Variants in ZNF91 observed in about 807,000 individuals in gnomAD.
The protein encoded by ZNF91 is zinc finger protein 91.
ZNF91 carries 7 observed loss-of-function variants against 12.6 expected under a neutral mutation model. The observed-to-expected ratio is 0.55, with a 90% confidence interval of 0.31 to 1.04. The LOEUF is 1.04. ZNF91 is among the 50% of genes least tolerant of loss of function. The pLI, the probability that ZNF91 is intolerant of heterozygous loss-of-function variation, is 0.05. For synonymous variants in ZNF91, 453 were observed against 462.6 expected, an observed-to-expected ratio of 0.98 and a Z score of 0.27; for missense variants, 1,217 against 1,385.4, an observed-to-expected ratio of 0.88 and a Z score of 1.93.
At chr19:23,388,331 A>G (rs1217359195) in intron 1 of ZNF91, among the ~76,000 whole-genome samples, 1 of 152,198 alleles carries the variant, frequency 6.6e-6, no homozygotes, top group Non-Finnish European at 1.5e-5. Context: ...AACAGAAAAC[A>G]ATAACCAAAA....
chr19:23,341,528 TATA>T (rs376510228), intron 3 of ZNF91, among the ~76,000 whole-genome samples: 21 of 152,192 alleles, frequency 1.4e-4, no homozygotes, highest in East Asian at 1.9e-4. Context: ...CAAAAGCAAG[TATA>T]ATAATAACAA....
At chr19:23,343,459 G>T (rs1294870945) in intron 3 of ZNF91, among the ~76,000 whole-genome samples, 1 of 152,178 alleles carries the variant, frequency 6.6e-6, no homozygotes, top group Admixed American at 6.5e-5. Context: ...ATTTTCCAAA[G>T]CAAGATATAA....
At chr19:23,384,740 A>T (rs77338463) in intron 1 of ZNF91, 43,861 of 619,040 alleles carry the variant, frequency 0.071, 2,070 homozygotes, top group African/African-American at 0.15. Context: ...GGAAACTAGG[A>T]GAAAGCACAC....
At chr19:23,354,352 T>C (rs1158039854), downstream of ZNF91, among the ~76,000 whole-genome samples, 1 of 151,974 alleles carries the variant, frequency 6.6e-6, no homozygotes, top group African/African-American at 2.4e-5. Flanking sequence ...ATAAATAGAA[T>C]TGAAAACAAA....
chr19:23,359,619 A>T lies in ZNF91; in HGVS notation c.3360T>A (p.Ala1120=). The change falls in exon 4 of 4, where the codon GCT becomes GCA. Residue 1120 remains alanine, a synonymous_variant. Coordinates refer to ENST00000300619, the MANE Select transcript of ZNF91 (RefSeq NM_003430.4). ...ECGKAFKESS[A]LTKHKIIHTG... is the part of the protein sequence containing the mutation. ...TGTGAATTATCTTATGTTTAGTAAG[A>T]GCTGAGGACTCTTTAAAGGCTTTGC... 4 of 1,609,194 alleles carry T rather than the reference A, an allele frequency of 2.5e-6. No individual in the cohort carries two copies. Among genetic ancestry groups the T allele is most frequent in the Non-Finnish European group, 3.4e-6 (4 of 1,178,350 alleles).
intron 1 of ZNF91, among the ~76,000 whole-genome samples, chr19:23,317,922 A>G (rs1418854107): frequency 4.6e-5 from 7 of 152,150 alleles, no homozygotes; most frequent in Non-Finnish European, 8.8e-5. Context: ...TTTTATCCCT[A>G]TATCTTTCTG....
At chr19:23,319,660 C>T (rs938382369) in intron 1 of ZNF91, among the ~76,000 whole-genome samples, 6 of 152,174 alleles carry the variant, frequency 3.9e-5, no homozygotes, top group African/African-American at 7.2e-5. Context: ...CACTGGACCC[C>T]GCGACAAGGT....
chr19:23,332,680 G>A (rs1362361298), intron 1 of ZNF91, among the ~76,000 whole-genome samples: 1 of 152,148 alleles, frequency 6.6e-6, no homozygotes, highest in African/African-American at 2.4e-5. Context: ...ATAAATCACA[G>A]CTTACCTAGT....
chr19:23,312,750 C>A (rs1216380850), upstream of ZNF91, among the ~76,000 whole-genome samples: 1 of 152,170 alleles, frequency 6.6e-6, no homozygotes, highest in Non-Finnish European at 1.5e-5. Flanking sequence ...ATGATTCATA[C>A]CAGCACAAAT....
intron 1 of ZNF91, among the ~76,000 whole-genome samples, chr19:23,394,062 T>A (rs1357388638): frequency 6.6e-6 from 1 of 152,114 alleles, no homozygotes; most frequent in African/African-American, 2.4e-5. Context: ...AAATAGTTGA[T>A]AAAGTGAATT....
intron 1 of ZNF91, among the ~76,000 whole-genome samples, chr19:23,376,019 G>A (rs1969493122): frequency 1.3e-5 from 2 of 152,130 alleles, no homozygotes; most frequent in South Asian, 2.1e-4. Flanking sequence ...GTGATTTTAA[G>A]TACTTTCTTT....
chr19:23,318,804 G>C (rs1317515854), intron 1 of ZNF91, among the ~76,000 whole-genome samples: 1 of 152,118 alleles, frequency 6.6e-6, no homozygotes, highest in Non-Finnish European at 1.5e-5. Flanking sequence ...GCCCACAGGG[G>C]TCACTGCAAT....
At chr19:23,382,896 A>C (rs1318049969) in intron 1 of ZNF91, among the ~76,000 whole-genome samples, 1 of 152,240 alleles carries the variant, frequency 6.6e-6, no homozygotes. Flanking sequence ...CAAGGACCAG[A>C]CATTCACAGG....
chr19:23,339,839 G>A (rs1001141522), intron 3 of ZNF91: 1 of 151,460 alleles, frequency 6.6e-6, no homozygotes, highest in African/African-American at 2.4e-5. Flanking sequence ...AGCTACTCGG[G>A]AGGCTAATAT....
intron 1 of ZNF91, chr19:23,327,934 G>A (rs111381013): frequency 8.5e-4 from 129 of 152,220 alleles, no homozygotes; most frequent in African/African-American, 2.7e-3. Flanking sequence ...TTCAAAGAAC[G>A]ATTTTTGTGT....
intron 1 of ZNF91, among the ~76,000 whole-genome samples, chr19:23,319,400 GGCTCTGCTAAA>G (rs1393872235): frequency 1.3e-5 from 2 of 152,078 alleles, no homozygotes; most frequent in Non-Finnish European, 2.9e-5. Context: ...TTTCTGCCTG[GGCTCTGCTAAA>G]GAGGGTTATT....
rs143954073 is a variant in ZNF91, at chr19:23,394,801, C to A, written c.30+524G>T. On this transcript the variant is annotated intron_variant, in intron 1 of 3. Coordinates refer to ENST00000300619, the MANE Select transcript of ZNF91 (RefSeq NM_003430.4). ...TGAATTTGGTTTTCTTTACCATGAA[C>A]CTTATAAAAATATCTCCTTCAAGGC... 3.8e-3 allele frequency among the ~76,000 whole-genome samples: 573 copies of A among 152,310 alleles called. 9 individuals carry two copies. Among genetic ancestry groups the A allele is most frequent in the African/African-American group, 0.013 (550 of 41,580 alleles).
At chr19:23,381,045 A>G (rs761208552) in intron 1 of ZNF91, among the ~76,000 whole-genome samples, 4 of 152,196 alleles carry the variant, frequency 2.6e-5, no homozygotes, top group Non-Finnish European at 5.9e-5. Context: ...ATACTTACCT[A>G]TAACTATCCC....
At position 23,365,269 on chromosome 19, in the gene ZNF91, C is replaced by T. The variant is rs142852396; in HGVS notation, c.254-2544G>A. On this transcript the variant is annotated intron_variant, in intron 3 of 3. Coordinates refer to ENST00000300619, the MANE Select transcript of ZNF91 (RefSeq NM_003430.4). Reference sequence around the variant, plus strand: ...AAAAATTTCCAAAATAAAAAGTGAGCGTGTTCATCACCACTAGCACAGTTC... The same window carrying T: ...AAAAATTTCCAAAATAAAAAGTGAGTGTGTTCATCACCACTAGCACAGTTC... Among the ~76,000 whole-genome samples the T allele has an allele frequency of 6.2e-3, 919 of 149,328 alleles. 7 individuals are homozygous for T. Among genetic ancestry groups the T allele is most frequent in the South Asian group, 9.6e-3 (45 of 4,706 alleles).
Sources: allele counts gnomAD v4.1 joint callset (sites outside exome capture counted in the v4.1 genomes callset), GRCh38; gene constraint gnomAD v4.1.1; transcripts MANE v1.5; gene names NCBI Gene and HGNC (gene_info 2026-07-23, HGNC 2026-07-21).